Variants in TMA7 observed in about 807,000 individuals in gnomAD.
TMA7 encodes the protein translation machinery-associated protein 7.
In TMA7, 5 loss-of-function variants were observed where a neutral mutation model predicts 12.5. The ratio of observed to expected loss-of-function variants is 0.40; its 90% CI spans 0.21 to 0.84. The LOEUF (loss-of-function observed/expected upper bound fraction) is 0.84, where lower values mean the gene tolerates loss of function less well. TMA7 is among the 40% of genes least tolerant of loss of function. The pLI is 0.36. For synonymous variants in TMA7, 36 were observed against 28.1 expected, an observed-to-expected ratio of 1.28 and a Z score of -0.89; for missense variants, 71 against 75.4, an observed-to-expected ratio of 0.94 and a Z score of 0.22.
In TMA7 at chr3:48,443,970, G is replaced by A. The variant is rs1212346096; in HGVS notation, c.*88G>A. On this transcript the variant is annotated 3_prime_UTR_variant, in exon 4 of 4. Transcript: ENST00000438607. ...TCCCTGCCATAACATCTTTTGCCAC[G>A]TATAGCTGGAATTAAGTGTTGTCTT... 29 of 962,796 alleles carry A rather than the reference G, an allele frequency of 3.0e-5. No homozygotes were observed. Among genetic ancestry groups the A allele is most frequent in the Middle Eastern group, 3.0e-4 (1 of 3,350 alleles). The allele number at this position is 962,796 out of a possible 1,614,324, so 59.6% of individuals were successfully genotyped here.
intron 3 of TMA7, 46 bp from the exon 4 acceptor site, chr3:48,443,802 G>C: frequency 6.6e-7 from 1 of 1,514,066 alleles, no homozygotes; most frequent in African/African-American, 1.4e-5. Context: ...GGCTTCTACC[G>C]TAAGAACTAT....
At chr3:48,440,911 C>G in intron 3 of TMA7, 1 of 513,152 alleles carries the variant, frequency 1.9e-6, no homozygotes, top group South Asian at 2.5e-5. Flanking sequence ...CGCAGATTCA[C>G]AGTTAAGTTT....
At chr3:48,443,787 C>A in intron 3 of TMA7, 61 bp from the exon 4 acceptor site, 1 of 1,423,954 alleles carries the variant, frequency 7.0e-7, no homozygotes. Context: ...ACAGCAGGCC[C>A]GTGGGGCTTC....
chr3:48,440,889 A>G (rs2039545433), intron 3 of TMA7: 3 of 553,930 alleles, frequency 5.4e-6, no homozygotes, highest in East Asian at 3.0e-5. Context: ...AGTGAAATGT[A>G]TTTACCTCAG....
rs578066508 is a variant in TMA7, at chr3:48,443,851, C to G, written c.164C>G (p.Thr55Arg). 4.5e-6 allele frequency: 7 copies of G among 1,559,816 alleles called. No individual in the cohort carries two copies. Among genetic ancestry groups the G allele is most frequent in the Non-Finnish European group, 5.2e-6 (6 of 1,159,752 alleles). ...AKAAGKGPLA[T>R]GGIKKSGKK ...TGTGACTATTTTTCTTTTGCAGCCA[C>G]AGGTGGAATTAAGAAATCTGGCAAA... The change falls in exon 4 of 4, where the codon ACA becomes AGA. Residue 55 changes from threonine to arginine, a missense_variant. Coordinates refer to ENST00000438607, the MANE Select transcript of TMA7 (RefSeq NM_015933.6).
chr3:48,441,320 A>C (rs2039558604), intron 3 of TMA7, among the ~76,000 whole-genome samples: 1 of 152,042 alleles, frequency 6.6e-6, no homozygotes, highest in Non-Finnish European at 1.5e-5. Flanking sequence ...CTGGGATTGC[A>C]GGCGTGAGCC....
chr3:48,442,663 G>A (rs2039597196), intron 3 of TMA7, among the ~76,000 whole-genome samples: 1 of 151,738 alleles, frequency 6.6e-6, no homozygotes, highest in Non-Finnish European at 1.5e-5. Flanking sequence ...TGTTGGCCAG[G>A]ATGGTCTCGA....
At chr3:48,442,282 T>TA (rs2039589537) in intron 3 of TMA7, among the ~76,000 whole-genome samples, 1 of 148,104 alleles carries the variant, frequency 6.8e-6, no homozygotes, top group African/African-American at 2.5e-5. Context: ...AAAAAAAAGG[T>TA]ATCTTGCACC....
At chr3:48,440,921 T>C (rs2039546053) in intron 3 of TMA7, 1 of 496,546 alleles carries the variant, frequency 2.0e-6, no homozygotes, top group South Asian at 2.5e-5. Flanking sequence ...CAGTTAAGTT[T>C]CTCAAAGTCT....
intron 3 of TMA7, among the ~76,000 whole-genome samples, chr3:48,441,302 C>T (rs956467920): frequency 3.3e-5 from 5 of 152,092 alleles, no homozygotes; most frequent in African/African-American, 1.2e-4. Flanking sequence ...CCTCAGCCTC[C>T]CAAAGTGCTG....
At chr3:48,440,696 G>C (rs1313450327) in intron 3 of TMA7, 68 bp downstream of exon 3, 20 of 1,437,604 alleles carry the variant, frequency 1.4e-5, no homozygotes, top group Non-Finnish European at 1.7e-5. Flanking sequence ...TGAGGGCGCG[G>C]GCATGTCTTT....
chr3:48,441,246 A>G (rs2107164231), intron 3 of TMA7, among the ~76,000 whole-genome samples: 1 of 151,856 alleles, frequency 6.6e-6, no homozygotes, highest in East Asian at 1.9e-4. Flanking sequence ...GGGTTTCACC[A>G]TCTTAGCCAG....
chr3:48,441,609 C>T (rs747231304), intron 3 of TMA7, among the ~76,000 whole-genome samples: 2 of 152,160 alleles, frequency 1.3e-5, no homozygotes, highest in East Asian at 1.9e-4. Flanking sequence ...TGTGCTGTTG[C>T]TCCATATGCT....
chr3:48,442,240 G>A (rs2039586985), intron 3 of TMA7, among the ~76,000 whole-genome samples: 3 of 142,334 alleles, frequency 2.1e-5, no homozygotes, highest in Admixed American at 7.2e-5. Context: ...CAGCCTGGGA[G>A]ATAGAATGAG....
In TMA7 at chr3:48,444,053, CTCA is replaced by C. The variant is rs1424435341; in HGVS notation, c.*177_*179del. 4 of 440,138 alleles carry C rather than the reference CTCA, an allele frequency of 9.1e-6. No individual in the cohort carries two copies. Among genetic ancestry groups the C allele is most frequent in the South Asian group, 7.2e-5 (1 of 13,844 alleles). 27.3% of individuals were successfully genotyped at this position (440,138 alleles called of 1,614,324 possible). A position where few individuals can be genotyped will look rare whatever the true frequency, so the allele number is the denominator to read the frequency against. On this transcript the variant is annotated 3_prime_UTR_variant, in exon 4 of 4. Coordinates refer to ENST00000438607, the MANE Select transcript of TMA7 (RefSeq NM_015933.6). ...TAAAAAAAGAAAAATCTTACAGTGG[CTCA>C]TCATCTCTTTAGTTGTTTTCACTAA...
At chr3:48,443,337 C>G (rs1202762486) in intron 3 of TMA7, among the ~76,000 whole-genome samples, 2 of 150,864 alleles carry the variant, frequency 1.3e-5, no homozygotes, top group Admixed American at 6.6e-5. Flanking sequence ...CACCTGAGGT[C>G]AGGAGTTCGA....
rs754291844 is a variant in TMA7 at position 48,444,098 on chromosome 3, CTG to C, written c.*219_*220del. On this transcript the variant is annotated 3_prime_UTR_variant, in exon 4 of 4. Coordinates refer to ENST00000438607, the MANE Select transcript of TMA7 (RefSeq NM_015933.6). The stretch of plus-strand genomic sequence containing the variant: ...TTTCACTAAGTCGTTCCTACCATAA[CTG>C]TGAATTTAAAGTAAAACCAGCTCAG... The C allele has an allele frequency of 7.8e-5, 30 of 383,872 alleles. No homozygotes were observed. The highest frequency in any genetic ancestry group is 1.1e-4 in the Non-Finnish European group (24 of 216,382). 23.8% of individuals were successfully genotyped at this position (383,872 alleles called of 1,614,324 possible). A position where few individuals can be genotyped will look rare whatever the true frequency, so the allele number is the denominator to read the frequency against.
At position 48,440,431 on chromosome 3, in the gene TMA7, C is replaced by T. The variant is rs375769495; in HGVS notation, c.45C>T (p.Pro15=). Residue 15 remains proline (P), a synonymous_variant, in exon 2 of 4, where the codon CCC becomes CCT. Transcript: ENST00000438607. ...GCAAGAAGAAGCCACTGAAACAGCC[C>T]AAGAAGCAGGCCAAGGAGATGGACG... ...EGGKKKPLKQ[P]KKQAKEMDEE... 103 of 1,612,566 alleles carry T rather than the reference C, an allele frequency of 6.4e-5. 1 individual carries two copies. Among genetic ancestry groups the T allele is most frequent in the Middle Eastern group, 3.4e-4 (2 of 5,822 alleles).
chr3:48,440,321 T>A lies in TMA7; in HGVS notation c.16+9T>A. ...CATGTCCGGCCGCGAAGGTAAGTGTTCCGGAACCGTGAGGACTGCGGGGAC... is the reference window on the plus strand; with the variant it reads ...CATGTCCGGCCGCGAAGGTAAGTGTACCGGAACCGTGAGGACTGCGGGGAC... On this transcript the variant is annotated intron_variant, in intron 1 of 3. Coordinates refer to ENST00000438607, the MANE Select transcript of TMA7 (RefSeq NM_015933.6). 6.2e-7 allele frequency: 1 copy of A among 1,611,378 alleles called. No homozygotes were observed. Among genetic ancestry groups the A allele is most frequent in the Non-Finnish European group, 8.5e-7 (1 of 1,179,466 alleles).
Sources: gnomAD v4.1 joint callset for allele counts (sites outside exome capture counted in the v4.1 genomes callset) on GRCh38, gnomAD v4.1.1 for gene constraint, MANE v1.5 for transcripts, NCBI Gene and HGNC (gene_info 2026-07-23, HGNC 2026-07-21) for gene names.